Variants in EHD4 observed in about 807,000 individuals in gnomAD.
EHD4 encodes EH domain-containing protein 4.
In EHD4, 37 loss-of-function variants were observed where a neutral mutation model predicts 51.0. The ratio of observed to expected loss-of-function variants is 0.73; its 90% CI spans 0.56 to 0.95. The LOEUF (loss-of-function observed/expected upper bound fraction) is 0.95, where lower values mean the gene tolerates loss of function less well. Among genes scored for constraint, EHD4 ranks in the 40% least tolerant of loss-of-function variants. EHD4 has a pLI of 0.00. For missense variants in EHD4, 632 were observed against 733.1 expected (o/e 0.86, Z 1.59); for synonymous variants, 297 against 317.3 (o/e 0.94, Z 0.68).
intron 1 of EHD4, among the ~76,000 whole-genome samples, chr15:41,957,837 C>G (rs1409438763): frequency 6.6e-6 from 1 of 152,160 alleles, no homozygotes; most frequent in Non-Finnish European, 1.5e-5. Context: ...AGGTACATGT[C>G]AGTGCAGTGA....
At chr15:41,966,423 C>T (rs1287302163) in intron 1 of EHD4, among the ~76,000 whole-genome samples, 2 of 152,196 alleles carry the variant, frequency 1.3e-5, no homozygotes, top group Admixed American at 1.3e-4. Context: ...TAGCAGCATC[C>T]TCAGGAGCTG....
At chr15:41,959,961 C>CAAAAAAAA (rs575509600) in intron 1 of EHD4, among the ~76,000 whole-genome samples, 1 of 58,028 alleles carries the variant, frequency 1.7e-5, no homozygotes. Context: ...GACTCCACCT[C>CAAAAAAAA]AAAAAAAAAA....
chr15:41,941,141 G>A (rs117737159), intron 3 of EHD4, among the ~76,000 whole-genome samples: 337 of 152,156 alleles, frequency 2.2e-3, no homozygotes, highest in Non-Finnish European at 3.6e-3. Flanking sequence ...TTGGCACTGA[G>A]GTGTAAAGAC....
chr15:41,968,641 C>T (rs546866757), intron 1 of EHD4, among the ~76,000 whole-genome samples: 4 of 152,030 alleles, frequency 2.6e-5, no homozygotes, highest in Non-Finnish European at 5.9e-5. Flanking sequence ...TAGCTTATTT[C>T]TACTTTGTTT....
At chr15:41,949,505 C>T (rs768763062) in intron 2 of EHD4, among the ~76,000 whole-genome samples, 14 of 152,250 alleles carry the variant, frequency 9.2e-5, no homozygotes, top group Middle Eastern at 3.4e-3. Flanking sequence ...ATGGGGGAAT[C>T]ACCATTCAAG....
intron 3 of EHD4, among the ~76,000 whole-genome samples, chr15:41,938,678 A>T (rs1042191033): frequency 2.0e-5 from 3 of 152,186 alleles, no homozygotes; most frequent in Admixed American, 6.5e-5. Context: ...AGTTATTTAA[A>T]TTTTTAAAAG....
intron 3 of EHD4, chr15:41,926,216 T>C (rs1032126397): frequency 6.6e-6 from 1 of 151,924 alleles, no homozygotes; most frequent in South Asian, 2.1e-4. Flanking sequence ...AAGAAAGATG[T>C]GTGTTAATGA....
chr15:41,909,556 C>T (rs985994315), intron 5 of EHD4, 143 bp downstream of exon 5: 5 of 979,074 alleles, frequency 5.1e-6, no homozygotes, highest in Non-Finnish European at 7.7e-6. Context: ...TATTCATAGC[C>T]TATTATCATG....
chr15:41,914,823 T>C (rs908014684), intron 4 of EHD4, among the ~76,000 whole-genome samples: 5 of 150,698 alleles, frequency 3.3e-5, no homozygotes, highest in African/African-American at 4.9e-5. Flanking sequence ...TCTTGCTTTG[T>C]CGCCCAGGCT....
At chr15:41,925,396 G>A (rs1199549173) in intron 3 of EHD4, among the ~76,000 whole-genome samples, 1 of 152,208 alleles carries the variant, frequency 6.6e-6, no homozygotes, top group African/African-American at 2.4e-5. Context: ...CAGAACAGGA[G>A]TGAGAATGCT....
chr15:41,931,503 G>A (rs762680434), intron 3 of EHD4, among the ~76,000 whole-genome samples: 9 of 152,182 alleles, frequency 5.9e-5, no homozygotes, highest in South Asian at 4.1e-4. Flanking sequence ...ACGGAGCTTC[G>A]AGATCCTGTC....
intron 3 of EHD4, chr15:41,928,567 A>G (rs2067677900): frequency 6.6e-6 from 1 of 152,216 alleles, no homozygotes; most frequent in Admixed American, 6.5e-5. Context: ...TACAATGAAT[A>G]TATATTATTT....
intron 3 of EHD4, among the ~76,000 whole-genome samples, chr15:41,935,667 A>C (rs182647362): frequency 6.5e-4 from 99 of 152,324 alleles, no homozygotes; most frequent in African/African-American, 2.0e-3. Flanking sequence ...TGTGGTTAAC[A>C]GCACGCACTC....
At chr15:41,949,914 G>A (rs1397206311) in intron 2 of EHD4, among the ~76,000 whole-genome samples, 1 of 152,116 alleles carries the variant, frequency 6.6e-6, no homozygotes, top group East Asian at 1.9e-4. Context: ...AATGCTCTGG[G>A]TGCCCTTGGC....
chr15:41,924,044 T>C (rs1297916697), intron 3 of EHD4, among the ~76,000 whole-genome samples: 1 of 152,216 alleles, frequency 6.6e-6, no homozygotes, highest in Non-Finnish European at 1.5e-5. Flanking sequence ...ATCGGGTTGT[T>C]GAGTGATTAC....
chr15:41,919,637 G>A lies in EHD4; in HGVS notation c.512-15C>T, dbSNP rs372456584. Reference sequence around the variant, plus strand: ...GAAGTCATAGCCTGGGTGGAGAGAAGGACACGTCAGTGTAGCCACTGCTGC... The same window carrying A: ...GAAGTCATAGCCTGGGTGGAGAGAAAGACACGTCAGTGTAGCCACTGCTGC... On this transcript the variant is annotated splice_polypyrimidine_tract_variant and intron_variant, in intron 3 of 5. Coordinates refer to ENST00000220325, the MANE Select transcript of EHD4 (RefSeq NM_139265.4). 1.3e-5 allele frequency: 20 copies of A among 1,506,934 alleles called. No individual in the cohort carries two copies. In the African/African-American group the frequency reaches 2.4e-4, roughly 18 times the overall value. 93.3% of individuals were successfully genotyped at this position (1,506,934 alleles called of 1,614,324 possible).
chr15:41,909,203 ACAGTCCTCC>A (rs1177268565), intron 5 of EHD4, among the ~76,000 whole-genome samples: 1 of 152,236 alleles, frequency 6.6e-6, no homozygotes, highest in African/African-American at 2.4e-5. Context: ...GCCTTTAAGC[ACAGTCCTCC>A]CTGTGCCCAC....
chr15:41,912,402 T>A (rs2067556553), intron 4 of EHD4, among the ~76,000 whole-genome samples: 1 of 152,082 alleles, frequency 6.6e-6, no homozygotes, highest in Non-Finnish European at 1.5e-5. Context: ...CTTTCAGAAG[T>A]TCATCAAGTT....
intron 2 of EHD4, among the ~76,000 whole-genome samples, chr15:41,946,329 C>T (rs1230242949): frequency 6.6e-6 from 1 of 152,170 alleles, no homozygotes; most frequent in Non-Finnish European, 1.5e-5. Flanking sequence ...AACTCCATAT[C>T]CTCTCCACGT....
Sources: gnomAD v4.1 joint callset for allele counts (sites outside exome capture counted in the v4.1 genomes callset) on GRCh38, gnomAD v4.1.1 for gene constraint, MANE v1.5 for transcripts, NCBI Gene and HGNC (gene_info 2026-07-23, HGNC 2026-07-21) for gene names.